GLI3: variants seen among roughly 807,000 people sequenced by gnomAD.
GLI3 encodes the protein GLI family zinc finger 3.
In GLI3, 20 loss-of-function variants were observed where a neutral mutation model predicts 100.8. That is an observed-to-expected ratio of 0.20 (90% CI 0.14 to 0.29). GLI3 has a LOEUF of 0.29. Among genes scored for constraint, GLI3 ranks in the 10% least tolerant of loss-of-function variants. GLI3 has a pLI of 1.00. For synonymous variants in GLI3, 938 were observed against 860.5 expected (o/e 1.09, Z -1.58); for missense variants, 2,040 against 2,128.5 (o/e 0.96, Z 0.82).
intron 2 of GLI3, among the ~76,000 whole-genome samples, chr7:42,179,564 T>G (rs1787549832): frequency 6.6e-6 from 1 of 152,164 alleles, no homozygotes; most frequent in Non-Finnish European, 1.5e-5. Context: ...CTGAGGGCTG[T>G]TGGTGCAATC....
chr7:42,225,076 G>A (rs1230153927), intron 1 of GLI3, among the ~76,000 whole-genome samples: 1 of 152,174 alleles, frequency 6.6e-6, no homozygotes, highest in Admixed American at 6.5e-5. Context: ...GTCCCTTCTA[G>A]CTCTAACAAT....
chr7:41,969,710 A>C (rs1787317061), intron 13 of GLI3, among the ~76,000 whole-genome samples: 2 of 152,198 alleles, frequency 1.3e-5, no homozygotes, highest in Admixed American at 1.3e-4. Context: ...GCAAACACAC[A>C]GGCAGACACA....
chr7:42,085,675 G>T (rs1785088682), intron 3 of GLI3, among the ~76,000 whole-genome samples: 1 of 152,158 alleles, frequency 6.6e-6, no homozygotes, highest in African/African-American at 2.4e-5. Flanking sequence ...ATCCCTGCCA[G>T]GGCAGGGAAA....
intron 6 of GLI3, among the ~76,000 whole-genome samples, chr7:42,043,191 G>GA: frequency 6.6e-6 from 1 of 152,142 alleles, no homozygotes; most frequent in East Asian, 1.9e-4. Context: ...TTCTTTGTTG[G>GA]AAAAAATCTC....
Position 42,148,468 on chromosome 7 carries a change from T to C in GLI3, c.125A>G (p.Glu42Gly), listed in dbSNP as rs954382563. The C allele has an allele frequency of 6.2e-7, 1 of 1,613,344 alleles. No individual in the cohort carries two copies. Among genetic ancestry groups the C allele is most frequent in the Non-Finnish European group, 8.5e-7 (1 of 1,179,390 alleles). ...KAVASSTTSN[E>G]DESPGQTYHR... is the part of the protein sequence containing the mutation. ...ATAAGTCTGTCCAGGACTTTCATCC[T>C]CTAAAGAAAGAAGAAAAATGAAAGA... is the stretch of plus-strand genomic sequence containing the variant. The change falls in exon 3 of 15, where the codon GAG (glutamate) becomes GGG (glycine). Residue 42 changes from glutamate (E) to glycine (G), a missense_variant and splice_region_variant. Physicochemically the swap from Glu to Gly is moderately conservative, Grantham distance 98. This residue lies in a region of GLI3 where 603 missense variants were observed against 690.9 expected (regional missense o/e 0.87). Transcript: ENST00000395925.
intron 2 of GLI3, among the ~76,000 whole-genome samples, chr7:42,216,012 A>C (rs1037230337): frequency 6.6e-6 from 1 of 152,242 alleles, no homozygotes; most frequent in Non-Finnish European, 1.5e-5. Context: ...TACCCATAAG[A>C]GTCATATTAC....
chr7:42,196,322 C>A (rs1473839396), intron 2 of GLI3, among the ~76,000 whole-genome samples: 1 of 152,144 alleles, frequency 6.6e-6, no homozygotes, highest in Non-Finnish European at 1.5e-5. Flanking sequence ...CTTTGAATTT[C>A]AACTATTAAT....
intron 13 of GLI3, among the ~76,000 whole-genome samples, chr7:41,968,724 GAAAGAAAGAAAGAAAGA>G (rs1787266537): frequency 9.6e-6 from 1 of 104,314 alleles, no homozygotes; most frequent in Non-Finnish European, 1.9e-5. Context: ...AAGAAAGAAA[GAAAGAAAGAAAGAAAGA>G]AAGAAAGAAA....
chr7:42,202,181 C>T (rs1295867961), intron 2 of GLI3, among the ~76,000 whole-genome samples: 1 of 151,650 alleles, frequency 6.6e-6, no homozygotes, highest in African/African-American at 2.4e-5. Flanking sequence ...CTCATGAATG[C>T]ATTTTTTTAA....
In GLI3 at chr7:42,152,239, C is replaced by G. The variant is rs987051933; in HGVS notation, c.125-3771G>C. The G allele has an allele frequency of 2.0e-5, 4 of 201,616 alleles. No homozygotes were observed. The Admixed American group carries it at 2.6e-4, about 13-fold the overall frequency. 12.5% of individuals were successfully genotyped at this position (201,616 alleles called of 1,614,324 possible). On this transcript the variant is annotated intron_variant, in intron 2 of 14. Transcript: ENST00000395925. ...AGGAGCTCACAGTACACGTGTTCAC[C>G]CCCTTTTCCCACTTAACATTGATTT...
chr7:42,062,202 T>G (rs904501142), intron 4 of GLI3, among the ~76,000 whole-genome samples: 1 of 152,188 alleles, frequency 6.6e-6, no homozygotes, highest in African/African-American at 2.4e-5. Flanking sequence ...AAGGCCCCAT[T>G]TGTTCCTAAA....
intron 2 of GLI3, among the ~76,000 whole-genome samples, chr7:42,179,789 G>A (rs1318460708): frequency 1.3e-5 from 2 of 152,164 alleles, no homozygotes; most frequent in African/African-American, 4.8e-5. Flanking sequence ...ACCGTTGGGA[G>A]CCTGAAGAAC....
chr7:42,088,702 C>T (rs1785154940), intron 3 of GLI3, among the ~76,000 whole-genome samples: 1 of 152,182 alleles, frequency 6.6e-6, no homozygotes. Context: ...ATTCAGTTTG[C>T]CAGCGTTCTG....
At chr7:41,970,768 A>G (rs1275290098) in intron 13 of GLI3, among the ~76,000 whole-genome samples, 1 of 152,206 alleles carries the variant, frequency 6.6e-6, no homozygotes, top group African/African-American at 2.4e-5. Flanking sequence ...AAGAATATAA[A>G]TCATCGGTTT....
At chr7:42,183,795 C>T (rs1787665566) in intron 2 of GLI3, among the ~76,000 whole-genome samples, 1 of 152,192 alleles carries the variant, frequency 6.6e-6, no homozygotes, top group South Asian at 2.1e-4. Flanking sequence ...CAGAGCTGGA[C>T]CGTCACCCCC....
At chr7:42,226,077 A>G (rs1166346230) in intron 1 of GLI3, among the ~76,000 whole-genome samples, 1 of 152,252 alleles carries the variant, frequency 6.6e-6, no homozygotes, top group African/African-American at 2.4e-5. Context: ...TATAAAAACT[A>G]AAAACTTTAG....
chr7:42,207,205 G>C (rs913093211), intron 2 of GLI3, among the ~76,000 whole-genome samples: 2 of 152,160 alleles, frequency 1.3e-5, no homozygotes, highest in Non-Finnish European at 2.9e-5. Context: ...TCCACCAAAA[G>C]ACAGCTACCT....
rs1042044092 is a variant in GLI3 at position 41,962,874 on chromosome 7, C to T, written c.*1456G>A. 6.6e-6 allele frequency: 1 copy of T among 152,116 alleles called. No individual in the cohort carries two copies. The highest frequency in any genetic ancestry group is 6.5e-5 in the Admixed American group (1 of 15,276). 9.4% of individuals were successfully genotyped at this position (152,116 alleles called of 1,614,324 possible). A position where few individuals can be genotyped will look rare whatever the true frequency, so the allele number is the denominator to read the frequency against. Reference sequence around the variant, plus strand: ...GTAGCCTGAGGTGTTAATATTTTAACAGTTTATATAATTTTTTAAAGCAAT... The same window carrying T: ...GTAGCCTGAGGTGTTAATATTTTAATAGTTTATATAATTTTTTAAAGCAAT... On this transcript the variant is annotated 3_prime_UTR_variant, in exon 15 of 15. Transcript: ENST00000395925.
At chr7:42,166,262 G>A (rs1787238798) in intron 2 of GLI3, among the ~76,000 whole-genome samples, 1 of 152,170 alleles carries the variant, frequency 6.6e-6, no homozygotes, top group African/African-American at 2.4e-5. Flanking sequence ...AGATCCTTGA[G>A]GGCAGGCGCT....
Sources: gnomAD v4.1 joint callset for allele counts (sites outside exome capture counted in the v4.1 genomes callset) on GRCh38, gnomAD v4.1.1 for gene constraint, gnomAD v4.1.1 regional missense constraint, MANE v1.5 for transcripts, NCBI Gene and HGNC (gene_info 2026-07-23, HGNC 2026-07-21) for gene names.